TMEM245: variants seen among roughly 807,000 people sequenced by gnomAD.
The protein encoded by TMEM245 is transmembrane protein 245, also known as protein CG-2.
A neutral mutation model predicts 101.2 loss-of-function variants in TMEM245; 69 were observed. The observed-to-expected ratio is 0.68, with a 90% CI of 0.56 to 0.83. The LOEUF (loss-of-function observed/expected upper bound fraction) is 0.83. Among genes scored for constraint, TMEM245 ranks in the 40% least tolerant of loss-of-function variants. TMEM245 has a pLI of 0.00. For synonymous variants in TMEM245, 537 were observed against 449.8 expected, an observed-to-expected ratio of 1.19 and a Z score of -2.45; for missense variants, 1,075 against 1,092.8, an observed-to-expected ratio of 0.98 and a Z score of 0.23.
At chr9:109,066,371 C>T (rs534550540) in intron 9 of TMEM245, among the ~76,000 whole-genome samples, 14 of 145,226 alleles carry the variant, frequency 9.6e-5, no homozygotes, top group Non-Finnish European at 1.6e-4. Context: ...ACAGGAATCA[C>T]TTGAGCCCAG....
chr9:109,080,334 T>A (rs186476562), intron 8 of TMEM245, among the ~76,000 whole-genome samples: 1 of 147,668 alleles, frequency 6.8e-6, no homozygotes, highest in Non-Finnish European at 1.5e-5. Flanking sequence ...ATTTTAGGTG[T>A]TCTTTAGAGA....
intron 1 of TMEM245, among the ~76,000 whole-genome samples, chr9:109,110,957 T>C (rs992383475): frequency 6.6e-6 from 1 of 152,164 alleles, no homozygotes; most frequent in African/African-American, 2.4e-5. Context: ...ACAATACTCG[T>C]ATCAGGGAAA....
At chr9:109,046,768 G>A (rs928729003) in intron 14 of TMEM245, among the ~76,000 whole-genome samples, 3 of 152,282 alleles carry the variant, frequency 2.0e-5, no homozygotes, top group Middle Eastern at 3.4e-3. Context: ...TATTTTCATA[G>A]TCATTCATAA....
At chr9:109,048,774 G>A (rs1828580552) in intron 14 of TMEM245, among the ~76,000 whole-genome samples, 1 of 152,208 alleles carries the variant, frequency 6.6e-6, no homozygotes, top group South Asian at 2.1e-4. Context: ...GACCTGGAAA[G>A]AGCTTATACA....
chr9:109,031,203 T>C (rs2132301875), intron 17 of TMEM245, among the ~76,000 whole-genome samples: 1 of 152,326 alleles, frequency 6.6e-6, no homozygotes, highest in East Asian at 1.9e-4. Context: ...AACCAGACAT[T>C]CCTCTTTTAG....
Position 109,036,282 on chromosome 9 carries a change from T to C in TMEM245, c.2323A>G (p.Lys775Glu). The change falls in exon 16 of 18, where the codon AAG becomes GAG. Residue 775 changes from lysine (K) to glutamate (E), a missense_variant. Coordinates refer to ENST00000374586, the MANE Select transcript of TMEM245 (RefSeq NM_032012.4). ...TGAAAAATCAACAGTAAAATGGCCT[T>C]GCATCCTAACCCTTGTGTCAGCCAC... Reference protein sequence around the residue: ...DLWLTQGLGCKAILLLIFHLL... With the variant: ...DLWLTQGLGCEAILLLIFHLL... 7 of 1,613,982 alleles carry C rather than the reference T, an allele frequency of 4.3e-6. No individual in the cohort carries two copies. The highest frequency in any genetic ancestry group is 5.9e-6 in the Non-Finnish European group (7 of 1,179,994).
intron 17 of TMEM245, among the ~76,000 whole-genome samples, chr9:109,030,371 A>G (rs1368797061): frequency 6.6e-6 from 1 of 152,234 alleles, no homozygotes; most frequent in Non-Finnish European, 1.5e-5. Flanking sequence ...CTGCCACGCC[A>G]CATAAGCATT....
chr9:109,086,683 A>G (rs1479834668), intron 6 of TMEM245, among the ~76,000 whole-genome samples: 1 of 152,150 alleles, frequency 6.6e-6, no homozygotes, highest in Non-Finnish European at 1.5e-5. Flanking sequence ...ATGCTCTTTA[A>G]CCACTAAGGC....
At position 109,088,602 on chromosome 9, in the gene TMEM245, G is replaced by A. The variant is rs527333895; in HGVS notation, c.1151-1260C>T. 2.6e-5 allele frequency among the ~76,000 whole-genome samples: 4 copies of A among 151,824 alleles called. No individual in the cohort carries two copies. The East Asian group carries it at 5.8e-4, about 22-fold the overall frequency. On this transcript the variant is annotated intron_variant, in intron 5 of 17. Coordinates refer to ENST00000374586, the MANE Select transcript of TMEM245 (RefSeq NM_032012.4). ...TCCCAGGCCGAGGCGGGCGGATCAC[G>A]AGATCAGGAGATCGAGACCATCCTG...
chr9:109,087,050 T>C (rs1190769397), intron 6 of TMEM245, 123 bp downstream of exon 6: 7 of 819,078 alleles, frequency 8.5e-6, no homozygotes, highest in Non-Finnish European at 1.2e-5. Flanking sequence ...TAAACTTTCA[T>C]CATAGAATTA....
chr9:109,116,702 A>G (rs1830732915), intron 1 of TMEM245, among the ~76,000 whole-genome samples: 1 of 151,584 alleles, frequency 6.6e-6, no homozygotes. Context: ...AATTTTTTGT[A>G]TTTTTAGTAG....
chr9:109,103,351 A>G (rs189135856), intron 3 of TMEM245, among the ~76,000 whole-genome samples: 218 of 152,370 alleles, frequency 1.4e-3, no homozygotes, highest in African/African-American at 5.0e-3. Flanking sequence ...ACAATTCCAC[A>G]TGATAGTATC....
At chr9:109,106,064 G>A (rs116127510) in intron 3 of TMEM245, among the ~76,000 whole-genome samples, 33,676 of 151,934 alleles carry the variant, frequency 0.22, 4,560 homozygotes, top group Admixed American at 0.3. Flanking sequence ...GAGCCACTGC[G>A]CACGGCCTGT....
In TMEM245 at chr9:109,078,732, T is replaced by C. The variant is rs78225600; in HGVS notation, c.1449+2107A>G. On this transcript the variant is annotated intron_variant, in intron 8 of 17. Coordinates refer to ENST00000374586, the MANE Select transcript of TMEM245 (RefSeq NM_032012.4). Reference sequence around the variant, plus strand: ...GTAGCTAGGCATGGTTTTGTGTTTGTGTATGCTTATTCTACTGAAGGTTTG... The same window carrying C: ...GTAGCTAGGCATGGTTTTGTGTTTGCGTATGCTTATTCTACTGAAGGTTTG... Among the ~76,000 whole-genome samples the C allele has an allele frequency of 1.3e-3, 193 of 152,368 alleles. 3 individuals carry two copies. The East Asian group carries it at 0.033, about 26-fold the overall frequency.
chr9:109,089,559 C>T (rs954245793), intron 5 of TMEM245, among the ~76,000 whole-genome samples: 1 of 152,156 alleles, frequency 6.6e-6, no homozygotes, highest in East Asian at 1.9e-4. Context: ...GCAAAATCCA[C>T]AGCAGCCACT....
intron 14 of TMEM245, among the ~76,000 whole-genome samples, chr9:109,047,297 C>G (rs1168792970): frequency 6.6e-6 from 1 of 152,138 alleles, no homozygotes. Flanking sequence ...GTATGCACTC[C>G]CAAGAAGGGA....
intron 17 of TMEM245, among the ~76,000 whole-genome samples, chr9:109,026,276 A>C (rs777082255): frequency 2.0e-5 from 3 of 152,142 alleles, no homozygotes; most frequent in Non-Finnish European, 4.4e-5. Context: ...CAAGTGTATA[A>C]ATGAAAACTG....
intron 14 of TMEM245, among the ~76,000 whole-genome samples, chr9:109,043,692 C>A (rs899648635): frequency 2.6e-5 from 4 of 152,174 alleles, no homozygotes; most frequent in African/African-American, 9.7e-5. Flanking sequence ...GACTGACACA[C>A]CAGCCACTGA....
In TMEM245 at chr9:109,111,098, A is replaced by G. The variant is rs144182791; in HGVS notation, c.580-2528T>C. On this transcript the variant is annotated intron_variant, in intron 1 of 17. Coordinates refer to ENST00000374586, the MANE Select transcript of TMEM245 (RefSeq NM_032012.4). The stretch of plus-strand genomic sequence containing the variant: ...AAGAAAAAAAAAGTTTTGCTCAGAA[A>G]AGAGAAGGAAATATCAAGATTTTGT... Among the ~76,000 whole-genome samples, 65 of 152,286 alleles carry G rather than the reference A, an allele frequency of 4.3e-4. No homozygotes were observed. In the East Asian group the frequency reaches 7.5e-3, roughly 18 times the overall value.
Sources: gnomAD v4.1 joint callset for allele counts (sites outside exome capture counted in the v4.1 genomes callset) on GRCh38, gnomAD v4.1.1 for gene constraint, MANE v1.5 for transcripts, NCBI Gene and HGNC (gene_info 2026-07-23, HGNC 2026-07-21) for gene names.